Variants in VCP observed in about 807,000 individuals in gnomAD.
The protein encoded by VCP is transitional endoplasmic reticulum ATPase.
VCP carries 6 observed loss-of-function variants against 85.7 expected under a neutral mutation model. That is an observed-to-expected ratio of 0.07 (90% confidence interval 0.04 to 0.14). VCP has a LOEUF of 0.14. Among genes scored for constraint, VCP ranks in the 10% least tolerant of loss-of-function variants. VCP has a pLI of 1.00. For missense variants in VCP, 353 were observed against 1,043.4 expected (o/e 0.34, Z 9.12); for synonymous variants, 384 against 367.1 (o/e 1.05, Z -0.53).
chr9:35,059,028 A>G lies in VCP; in HGVS notation c.2160+36T>C, dbSNP rs762952200. 6.2e-7 allele frequency: 1 copy of G among 1,612,750 alleles called. No homozygotes were observed. The highest frequency in any genetic ancestry group is 8.5e-7 in the Non-Finnish European group (1 of 1,179,982). The stretch of plus-strand genomic sequence containing the variant: ...GGTGGTGGCTGCTGCCTGGCTCTCC[A>G]TGATTGGCACATCTGGGGAAAGGAT... On this transcript the variant is annotated intron_variant, in intron 15 of 16. Coordinates refer to ENST00000358901, the MANE Select transcript of VCP (RefSeq NM_007126.5). The surrounding 1 kb of genome is among the most constrained non-coding windows in gnomAD (Gnocchi z 4.9).
chr9:35,057,548 A>G lies in VCP; in HGVS notation c.2161-18T>C, dbSNP rs985795443. ...TCTACCTCCTATAGTTGGTAAACAC[A>G]GATCACTAGGGCTAGTTAAAGCCCA... On this transcript the variant is annotated intron_variant, in intron 15 of 16. Transcript: ENST00000358901. The G allele has an allele frequency of 1.2e-6, 2 of 1,605,486 alleles. No individual in the cohort carries two copies. Among genetic ancestry groups the G allele is most frequent in the Non-Finnish European group, 1.7e-6 (2 of 1,179,974 alleles).
chr9:35,061,901 A>T, intron 9 of VCP, 102 bp downstream of exon 9: 1 of 1,597,260 alleles, frequency 6.3e-7, no homozygotes, highest in Non-Finnish European at 8.5e-7. Flanking sequence ...AGACCCCTGG[A>T]CCCAATCACT....
Position 35,059,278 on chromosome 9 carries a change from C to A in VCP, c.2005-59G>T. 6.2e-7 allele frequency: 1 copy of A among 1,608,196 alleles called. No homozygotes were observed. The highest frequency in any genetic ancestry group is 8.5e-7 in the Non-Finnish European group (1 of 1,177,234). On this transcript the variant is annotated intron_variant, in intron 14 of 16. Coordinates refer to ENST00000358901, the MANE Select transcript of VCP (RefSeq NM_007126.5). The surrounding 1 kb of genome is among the most constrained non-coding windows in gnomAD (Gnocchi z 4.9). ...GCCTCTCCTCTCGAGATACGCAGAT[C>A]TTTGGGCTACCCGAGCACTCCCAAC... is the stretch of plus-strand genomic sequence containing the variant.
chr9:35,060,962 G>A (rs767422036), intron 11 of VCP, 39 bp from the exon 12 acceptor site: 37 of 1,614,094 alleles, frequency 2.3e-5, no homozygotes, highest in Non-Finnish European at 2.8e-5. Flanking sequence ...GACTTATCAA[G>A]GGAGGGGTCA....
Position 35,059,819 on chromosome 9 carries a change from T to C in VCP, c.1696-18A>G. The stretch of plus-strand genomic sequence containing the variant: ...TGGCGGGCCTGTAGGAGGAATGGAT[T>C]GATTCAAGCACTAACAAAACTAGAT... On this transcript the variant is annotated intron_variant, in intron 13 of 16. Coordinates refer to ENST00000358901, the MANE Select transcript of VCP (RefSeq NM_007126.5). The surrounding 1 kb of genome is among the most constrained non-coding windows in gnomAD (Gnocchi z 4.9). The C allele has an allele frequency of 6.2e-7, 1 of 1,614,062 alleles. No individual in the cohort carries two copies. Among genetic ancestry groups the C allele is most frequent in the Non-Finnish European group, 8.5e-7 (1 of 1,179,998 alleles).
rs764162075 is a variant in VCP at position 35,061,153 on chromosome 9, C to T, written c.1221G>A (p.Val407=). 2.5e-6 allele frequency: 4 copies of T among 1,613,668 alleles called. No individual in the cohort carries two copies. The highest frequency in any genetic ancestry group is 3.4e-6 in the Non-Finnish European group (4 of 1,180,018). ...AGCACAGGGCTGCTAAGTCAGCACC[C>T]ACATGCCCGTGAGTCTCATTGGCTA... ...EQVANETHGH[V]GADLAALCSE... is the part of the protein sequence containing the mutation. The change falls in exon 11 of 17, where the codon GTG becomes GTA. Residue 407 remains valine (V), a synonymous_variant. Coordinates refer to ENST00000358901, the MANE Select transcript of VCP (RefSeq NM_007126.5).
chr9:35,061,641 C>A lies in VCP; in HGVS notation c.1130G>T (p.Arg377Leu), dbSNP rs1415623982. 2 of 1,614,012 alleles carry A rather than the reference C, an allele frequency of 1.2e-6. No individual in the cohort carries two copies. The highest frequency in any genetic ancestry group is 2.7e-5 in the African/African-American group (2 of 74,880). The change falls in exon 10 of 17, where the codon CGC (arginine) becomes CTC (leucine). Residue 377 changes from arginine (R) to leucine (L), a missense_variant. Around this residue, in one of 8 missense-constraint regions of VCP, gnomAD observed 30 missense variants for 39.0 expected, o/e 0.77. Coordinates refer to ENST00000358901, the MANE Select transcript of VCP (RefSeq NM_007126.5). Reference protein sequence around the residue: ...VDIGIPDATGRLEILQIHTKN... With the variant: ...VDIGIPDATGLLEILQIHTKN... ...GGTATGGATCTGAAGAATCTCTAAG[C>A]GTCCTGTAGCATCAGGAATTCCAAT...
At position 35,061,986 on chromosome 9, in the gene VCP, G is replaced by A. The variant is rs200756991; in HGVS notation, c.1081+17C>T. ...GACCTAAGCAAGGACGGGGTCAAAA[G>A]TATCTGGAGTCCTTACCAAATCGCC... On this transcript the variant is annotated intron_variant, in intron 9 of 16. Coordinates refer to ENST00000358901, the MANE Select transcript of VCP (RefSeq NM_007126.5). The A allele has an allele frequency of 1.2e-3, 1,884 of 1,614,212 alleles. 22 individuals carry two copies. Among genetic ancestry groups the A allele is most frequent in the Middle Eastern group, 4.3e-3 (26 of 6,058 alleles).
Position 35,068,066 on chromosome 9 carries a change from G to A in VCP, c.130-3C>T, listed in dbSNP as rs767838037. On this transcript the variant is annotated splice_region_variant and splice_polypyrimidine_tract_variant and intron_variant, in intron 2 of 16. Coordinates refer to ENST00000358901, the MANE Select transcript of VCP (RefSeq NM_007126.5). ...AACTGCAATTCATCCATCTTGGGCT[G>A]AGGAAAGAAAGTTAAGGCCTTTGGG... 10 of 1,614,080 alleles carry A rather than the reference G, an allele frequency of 6.2e-6. No homozygotes were observed. Among genetic ancestry groups the A allele is most frequent in the Non-Finnish European group, 7.6e-6 (9 of 1,180,058 alleles).
In VCP at chr9:35,061,045, G is replaced by A. The variant is rs748816624; in HGVS notation, c.1329C>T (p.Asn443=). The A allele has an allele frequency of 8.7e-6, 14 of 1,614,194 alleles. No homozygotes were observed. The highest frequency in any genetic ancestry group is 1.2e-5 in the Non-Finnish European group (14 of 1,180,048). The part of the protein sequence containing the change: ...EDETIDAEVM[N]SLAVTMDDFR... ...AGTCATCCATAGTAACTGCTAGAGA[G>A]TTCATGACCTCGGCATCAATGGTCT... Residue 443 remains asparagine (N), a synonymous_variant, in exon 11 of 17, where the codon AAC becomes AAT. Coordinates refer to ENST00000358901, the MANE Select transcript of VCP (RefSeq NM_007126.5).
At chr9:35,063,366 G>A (rs1379706943) in intron 6 of VCP, among the ~76,000 whole-genome samples, 1 of 152,142 alleles carries the variant, frequency 6.6e-6, no homozygotes, top group Non-Finnish European at 1.5e-5. Context: ...TACATGACTA[G>A]GGAAAGGCAA....
At position 35,063,058 on chromosome 9, in the gene VCP, T is replaced by G. The variant is rs1302976833; in HGVS notation, c.731A>C (p.Tyr244Ser). Residue 244 changes from tyrosine to serine, a missense_variant, in exon 7 of 17, where the codon TAC becomes TCC. This residue lies in a region of VCP where 85 missense variants were observed against 345.2 expected (regional missense o/e 0.25). Transcript: ENST00000358901. ...GGTCTTTCCTGTTCCAGGAGGTCCG[T>G]AAAGCAGGATTCCTCTAGGAGGCTG... ...GVKPPRGILL[Y>S]GPPGTGKTLI... The G allele has an allele frequency of 6.2e-7, 1 of 1,614,112 alleles. No individual in the cohort carries two copies. The highest frequency in any genetic ancestry group is 8.5e-7 in the Non-Finnish European group (1 of 1,180,026).
rs771589216 is a variant in VCP, at chr9:35,064,135, C to G, written c.708+19G>C. 5.6e-6 allele frequency: 9 copies of G among 1,613,956 alleles called. No homozygotes were observed. In the African/African-American group the frequency reaches 1.1e-4, roughly 19 times the overall value. On this transcript the variant is annotated intron_variant, in intron 6 of 16. Transcript: ENST00000358901. ...ATTGGCACCACTTTAGACTTGATTC[C>G]AGAGCCCAGGATGCTCACCTTCACA...
chr9:35,065,667 C>T (rs1386764669), intron 4 of VCP, among the ~76,000 whole-genome samples: 1 of 152,182 alleles, frequency 6.6e-6, no homozygotes, highest in East Asian at 1.9e-4. Flanking sequence ...CAAGTTTTCA[C>T]TACAACCACC....
At chr9:35,061,349 T>G (rs1228480919) in intron 10 of VCP, among the ~76,000 whole-genome samples, 170 bp from the exon 11 acceptor site, 1 of 152,206 alleles carries the variant, frequency 6.6e-6, no homozygotes, top group Non-Finnish European at 1.5e-5. Context: ...ATTCTGGACT[T>G]GGGACCTAGA....
At position 35,072,572 on chromosome 9, in the gene VCP, A is replaced by G. The variant is rs1828983407; in HGVS notation, c.-219T>C. 3.9e-6 allele frequency: 2 copies of G among 509,922 alleles called. No individual in the cohort carries two copies. The highest frequency in any genetic ancestry group is 6.6e-6 in the Non-Finnish European group (2 of 303,084). The allele number at this position is 509,922 out of a possible 1,614,324, so 31.6% of individuals were successfully genotyped here. A position where few individuals can be genotyped will look rare whatever the true frequency, so the allele number is the denominator to read the frequency against. ...TCCGCGAGGTGGCAGTGGCAGTGGCAGCGGCAGCGGCAGCGACGACTCAAA... is the reference window on the plus strand; with the variant it reads ...TCCGCGAGGTGGCAGTGGCAGTGGCGGCGGCAGCGGCAGCGACGACTCAAA... On this transcript the variant is annotated 5_prime_UTR_variant, in exon 1 of 17. Transcript: ENST00000358901.
At chr9:35,057,692 A>C in intron 15 of VCP, 162 bp from the exon 16 acceptor site, 1 of 941,670 alleles carries the variant, frequency 1.1e-6, no homozygotes, top group African/African-American at 1.6e-5. Context: ...TGCTCTGCTT[A>C]AAAACTTGTC....
chr9:35,066,565 GA>G, intron 4 of VCP, 109 bp downstream of exon 4: 1 of 1,414,706 alleles, frequency 7.1e-7, no homozygotes, highest in Non-Finnish European at 9.5e-7. Flanking sequence ...AAATACAGGG[GA>G]AAAGCATAAA....
rs758718803 is a variant in VCP, at chr9:35,068,369, GGA to G, written c.18-9_18-8del. On this transcript the variant is annotated splice_polypyrimidine_tract_variant and splice_region_variant and intron_variant, in intron 1 of 16. Transcript: ENST00000358901. ...TAGGTCATCACCTTTTGAACTAGAAGGAGGAAATGGAGTCAGTAGATACTCCT... is the reference window on the plus strand; with the variant it reads ...TAGGTCATCACCTTTTGAACTAGAAGGGAAATGGAGTCAGTAGATACTCCT... 1.9e-6 allele frequency: 3 copies of G among 1,612,704 alleles called. No homozygotes were observed. Among genetic ancestry groups the G allele is most frequent in the African/African-American group, 1.3e-5 (1 of 74,934 alleles).
Sources: allele counts gnomAD v4.1 joint callset (sites outside exome capture counted in the v4.1 genomes callset), GRCh38; gene constraint gnomAD v4.1.1; regional missense constraint gnomAD v4.1.1; non-coding constraint Gnocchi (gnomAD v3.1); transcripts MANE v1.5; gene names NCBI Gene and HGNC (gene_info 2026-07-23, HGNC 2026-07-21).